GAD1: variants seen among roughly 807,000 people sequenced by gnomAD.
GAD1 encodes the protein glutamate decarboxylase 1.
Under a neutral mutation model 75.2 loss-of-function variants are expected in GAD1, and 35 were observed. The observed-to-expected ratio is 0.47, with a 90% CI of 0.36 to 0.62. The LOEUF is 0.62. Among genes scored for constraint, GAD1 ranks in the 20% least tolerant of loss-of-function variants. The pLI is 0.00. For synonymous variants in GAD1, 257 were observed against 271.9 expected (o/e 0.95, Z 0.54); for missense variants, 490 against 758.5 (o/e 0.65, Z 4.16).
At chr2:170,823,146 G>A (rs1701934514) in intron 3 of GAD1, among the ~76,000 whole-genome samples, 2 of 152,202 alleles carry the variant, frequency 1.3e-5, no homozygotes, top group Non-Finnish European at 1.5e-5. Flanking sequence ...GGTTGGAGAG[G>A]CGGGGGAAGA....
intron 6 of GAD1, chr2:170,842,496 A>T (rs1430203933): frequency 2.3e-6 from 3 of 1,311,124 alleles, no homozygotes; most frequent in Non-Finnish European, 3.3e-6. Flanking sequence ...AAAGCCCATC[A>T]TGAGTTTGCC....
chr2:170,823,666 C>A (rs978016364), intron 3 of GAD1, among the ~76,000 whole-genome samples: 1 of 151,654 alleles, frequency 6.6e-6, no homozygotes, highest in African/African-American at 2.4e-5. Context: ...CCTCCACCCC[C>A]ACCCTGCCGC....
intron 5 of GAD1, among the ~76,000 whole-genome samples, chr2:170,833,079 G>A (rs771242317): frequency 2.0e-5 from 3 of 152,226 alleles, no homozygotes; most frequent in Non-Finnish European, 4.4e-5. Context: ...GCCACAACTG[G>A]CAATCCTGTG....
At chr2:170,814,639 A>T (rs1024269574), upstream of GAD1, among the ~76,000 whole-genome samples, 1 of 152,254 alleles carries the variant, frequency 6.6e-6, no homozygotes, top group Non-Finnish European at 1.5e-5. Context: ...ATTAATAAAT[A>T]TTCGTTTAAT....
rs761887714 is a variant in GAD1 at position 170,853,899 on chromosome 2, G to A, written c.1290G>A (p.Met430Ile). 5.0e-6 allele frequency: 8 copies of A among 1,614,128 alleles called. No homozygotes were observed. The highest frequency in any genetic ancestry group is 6.8e-6 in the Non-Finnish European group (8 of 1,180,014). The change falls in exon 14 of 17, where the codon ATG becomes ATA. Residue 430 changes from methionine to isoleucine, a missense_variant. By Grantham distance (10) the Met-to-Ile change is conservative. This residue lies in a region of GAD1 where 324 missense variants were observed against 523.9 expected (regional missense o/e 0.62). Coordinates refer to ENST00000358196, the MANE Select transcript of GAD1 (RefSeq NM_000817.3). The surrounding 1 kb of genome is among the most constrained non-coding windows in gnomAD (Gnocchi z 4.1). ...EKGILQGCNQ[M>I]CAGYLFQPDK... is the part of the protein sequence containing the mutation. ...GTATACTCCAAGGATGCAACCAGATGTGTGCAGGATACCTCTTCCAGCCAG... is the reference window on the plus strand; with the variant it reads ...GTATACTCCAAGGATGCAACCAGATATGTGCAGGATACCTCTTCCAGCCAG...
intron 3 of GAD1, among the ~76,000 whole-genome samples, chr2:170,823,820 C>T (rs1395595607): frequency 6.6e-6 from 1 of 152,182 alleles, no homozygotes; most frequent in African/African-American, 2.4e-5. Flanking sequence ...TAGGGGCAGG[C>T]TCTGGGCGAC....
Position 170,857,059 on chromosome 2 carries a change from A to T in GAD1, c.1455A>T (p.Glu485Asp). The change falls in exon 15 of 17, where the codon GAA (glutamate) becomes GAT (aspartate). Residue 485 changes from glutamate to aspartate, a missense_variant. Glu to Asp is a conservative substitution (Grantham distance 45). Coordinates refer to ENST00000358196, the MANE Select transcript of GAD1 (RefSeq NM_000817.3). ...GFENQINKCL[E>D]LAEYLYAKIK... The stretch of plus-strand genomic sequence containing the variant: ...AAAACCAGATCAACAAATGCCTGGA[A>T]CTGGCTGAATACCTCTATGCCAAGA... 2.5e-6 allele frequency: 4 copies of T among 1,614,098 alleles called. No individual in the cohort carries two copies. Among genetic ancestry groups the T allele is most frequent in the Non-Finnish European group, 3.4e-6 (4 of 1,179,984 alleles).
Position 170,853,319 on chromosome 2 carries a change from C to G in GAD1, c.1263+527C>G. ...ACATGCCTAATGTTAGGATCCTGCC[C>G]TCCAAGGCTTTGTTGCTCCAGTAAA... On this transcript the variant is annotated intron_variant, in intron 13 of 16. Transcript: ENST00000358196. The surrounding 1 kb of genome is among the most constrained non-coding windows in gnomAD (Gnocchi z 4.1). The G allele has an allele frequency of 4.9e-6, 1 of 202,614 alleles. No individual in the cohort carries two copies. Among genetic ancestry groups the G allele is most frequent in the Middle Eastern group, 2.1e-3 (1 of 476 alleles). The allele number at this position is 202,614 out of a possible 1,614,324, so 12.6% of individuals were successfully genotyped here. A position where few individuals can be genotyped will look rare whatever the true frequency, so the allele number is the denominator to read the frequency against.
rs1229211829 is a variant in GAD1, at chr2:170,847,662, G to A, written c.1003-14G>A. On this transcript the variant is annotated splice_polypyrimidine_tract_variant and intron_variant, in intron 10 of 16. Coordinates refer to ENST00000358196, the MANE Select transcript of GAD1 (RefSeq NM_000817.3). ...TAAAAATACTCATCAGCCTATATCT[G>A]TCTTACCTTGTAGGGATATGTTCCC... is the stretch of plus-strand genomic sequence containing the variant. 1 of 1,545,690 alleles carries A rather than the reference G, an allele frequency of 6.5e-7. No homozygotes were observed. The highest frequency in any genetic ancestry group is 1.7e-5 in the Admixed American group (1 of 59,930).
chr2:170,829,364 T>C, intron 3 of GAD1, 111 bp from the exon 4 acceptor site: 1 of 1,268,530 alleles, frequency 7.9e-7, no homozygotes, highest in Non-Finnish European at 1.1e-6. Flanking sequence ...CACTCACTTC[T>C]TTTCTCAGGA....
rs748383869 is a variant in GAD1, at chr2:170,822,082, C to A, written c.83-5C>A. 6.2e-7 allele frequency: 1 copy of A among 1,607,508 alleles called. No individual in the cohort carries two copies. Among genetic ancestry groups the A allele is most frequent in the Non-Finnish European group, 8.5e-7 (1 of 1,177,280 alleles). Reference sequence around the variant, plus strand: ...CCGAACCTCTCTCCCTCTCTCTCGTCCTAGCGTACGATACCTGGTGCGGCG... The same window carrying A: ...CCGAACCTCTCTCCCTCTCTCTCGTACTAGCGTACGATACCTGGTGCGGCG... On this transcript the variant is annotated splice_polypyrimidine_tract_variant and splice_region_variant and intron_variant, in intron 2 of 16. Coordinates refer to ENST00000358196, the MANE Select transcript of GAD1 (RefSeq NM_000817.3).
Position 170,818,321 on chromosome 2 carries a change from T to G in GAD1, c.-63-208T>G. 1 of 380,120 alleles carries G rather than the reference T, an allele frequency of 2.6e-6. No homozygotes were observed. Among genetic ancestry groups the G allele is most frequent in the South Asian group, 2.2e-5 (1 of 45,366 alleles). 23.5% of individuals were successfully genotyped at this position (380,120 alleles called of 1,614,324 possible). On this transcript the variant is annotated intron_variant, in intron 1 of 16. Coordinates refer to ENST00000358196, the MANE Select transcript of GAD1 (RefSeq NM_000817.3). The surrounding 1 kb of genome is among the most constrained non-coding windows in gnomAD (Gnocchi z 5.9). Reference sequence around the variant, plus strand: ...GAGAGCGGCCCAGGGCTACGCTCCCTGCGCCCCAGTACCGGAGCTAGCGCG... The same window carrying G: ...GAGAGCGGCCCAGGGCTACGCTCCCGGCGCCCCAGTACCGGAGCTAGCGCG...
rs377647293 is a variant in GAD1, at chr2:170,838,802, A to G, written c.638+1919A>G. Among the ~76,000 whole-genome samples the G allele has an allele frequency of 1.3e-4, 20 of 152,346 alleles. No individual in the cohort carries two copies. In the South Asian group the frequency reaches 4.1e-3, roughly 32 times the overall value. On this transcript the variant is annotated intron_variant, in intron 6 of 16. Coordinates refer to ENST00000358196, the MANE Select transcript of GAD1 (RefSeq NM_000817.3). ...GCTGCAAAACACTAAAATGTGTCCCAGCCATCTGAGGTCAAGGCCAATCCA... is the reference window on the plus strand; with the variant it reads ...GCTGCAAAACACTAAAATGTGTCCCGGCCATCTGAGGTCAAGGCCAATCCA...
At chr2:170,838,189 C>A (rs1358314592) in intron 6 of GAD1, among the ~76,000 whole-genome samples, 1 of 152,212 alleles carries the variant, frequency 6.6e-6, no homozygotes, top group East Asian at 1.9e-4. Context: ...AAACGATGTT[C>A]ATGCTCCCTG....
chr2:170,849,944 G>A (rs1392408128), intron 12 of GAD1, among the ~76,000 whole-genome samples: 2 of 152,196 alleles, frequency 1.3e-5, no homozygotes, highest in African/African-American at 4.8e-5. Flanking sequence ...CTTTTTCACT[G>A]TTCAAATTCA....
chr2:170,832,455 C>T (rs1702254971), intron 5 of GAD1, among the ~76,000 whole-genome samples: 1 of 152,152 alleles, frequency 6.6e-6, no homozygotes, highest in African/African-American at 2.4e-5. Flanking sequence ...TAAGGCCCAC[C>T]CCAATCCAGC....
Position 170,825,012 on chromosome 2 carries a change from GCTCT to G in GAD1, c.145+2866_145+2869del, listed in dbSNP as rs145157161. On this transcript the variant is annotated intron_variant, in intron 3 of 16. Transcript: ENST00000358196. ...CCTTAAAAATAGAGAGATTTCAAGT[GCTCT>G]CTTTTTCTGGTTTCTCTTGAAAAAA... 5.8e-3 allele frequency among the ~76,000 whole-genome samples: 874 copies of G among 151,968 alleles called. 4 individuals carry two copies. The highest frequency in any genetic ancestry group is 0.01 in the Non-Finnish European group (692 of 67,966).
At chr2:170,824,948 G>GTGTGTGTA (rs1553574269) in intron 3 of GAD1, among the ~76,000 whole-genome samples, 1 of 150,928 alleles carries the variant, frequency 6.6e-6, no homozygotes, top group Admixed American at 6.6e-5. Flanking sequence ...GTGTGTGTGT[G>GTGTGTGTA]TGTATGTATG....
At chr2:170,851,200 T>C (rs1316854912) in intron 12 of GAD1, among the ~76,000 whole-genome samples, 2 of 152,226 alleles carry the variant, frequency 1.3e-5, no homozygotes, top group Admixed American at 1.3e-4. Context: ...TATTATGTCT[T>C]ATTACTTTCC....
Sources: allele counts gnomAD v4.1 joint callset (sites outside exome capture counted in the v4.1 genomes callset), GRCh38; gene constraint gnomAD v4.1.1; regional missense constraint gnomAD v4.1.1; non-coding constraint Gnocchi (gnomAD v3.1); transcripts MANE v1.5; gene names NCBI Gene and HGNC (gene_info 2026-07-23, HGNC 2026-07-21).